The following ATP8A2 variants were observed in gnomAD, a reference collection of about 807,000 sequenced individuals.
The protein encoded by ATP8A2 is phospholipid-transporting ATPase IB.
ATP8A2 carries 100 observed loss-of-function variants against 165.6 expected under a neutral mutation model. The observed-to-expected ratio is 0.60, with a 90% CI of 0.51 to 0.71. The LOEUF is 0.71. Among genes scored for constraint, ATP8A2 ranks in the 30% least tolerant of loss-of-function variants. The pLI is 0.00. For synonymous variants in ATP8A2, 543 were observed against 548.8 expected, an observed-to-expected ratio of 0.99 and a Z score of 0.15; for missense variants, 1,227 against 1,479.5, an observed-to-expected ratio of 0.83 and a Z score of 2.80.
chr13:25,486,425 C>G (rs2036355198), intron 2 of ATP8A2, among the ~76,000 whole-genome samples: 1 of 151,984 alleles, frequency 6.6e-6, no homozygotes. Flanking sequence ...TTCTTCACAG[C>G]CAAGTATGTT....
chr13:25,872,941 G>A (rs1192631490), intron 33 of ATP8A2, among the ~76,000 whole-genome samples: 1 of 151,570 alleles, frequency 6.6e-6, no homozygotes, highest in African/African-American at 2.4e-5. Flanking sequence ...CAGTGTGTGT[G>A]TTGTAACTAC....
At chr13:25,793,265 C>A (rs974718150) in intron 27 of ATP8A2, among the ~76,000 whole-genome samples, 2 of 152,068 alleles carry the variant, frequency 1.3e-5, no homozygotes, top group Non-Finnish European at 2.9e-5. Flanking sequence ...TTTCACATAC[C>A]TGTTTTAATT....
intron 24 of ATP8A2, among the ~76,000 whole-genome samples, chr13:25,666,704 A>C (rs1189192123): frequency 1.3e-5 from 2 of 152,156 alleles, no homozygotes; most frequent in African/African-American, 2.4e-5. Context: ...TCTTTTGACA[A>C]CACCAAAAGG....
intron 1 of ATP8A2, among the ~76,000 whole-genome samples, chr13:25,426,809 G>A (rs2034461952): frequency 6.6e-6 from 1 of 152,080 alleles, no homozygotes; most frequent in Non-Finnish European, 1.5e-5. Context: ...AGCTGGGCAC[G>A]ATAACACATG....
chr13:25,407,426 A>G (rs1020221891), intron 1 of ATP8A2, among the ~76,000 whole-genome samples: 4 of 152,214 alleles, frequency 2.6e-5, no homozygotes, highest in Non-Finnish European at 5.9e-5. Context: ...TTCCAACTGT[A>G]TGTATTTTGG....
rs75948300 is a variant in ATP8A2 at position 25,401,501 on chromosome 13, C to CTT, written c.76+29219_76+29220dup. 1.9e-3 allele frequency among the ~76,000 whole-genome samples: 294 copies of CTT among 152,170 alleles called. 1 individual carries two copies. Among genetic ancestry groups the CTT allele is most frequent in the African/African-American group, 6.8e-3 (282 of 41,522 alleles). ...GTTTCCTTTAAGTGGCAGCCAAAAG[C>CTT]TTTTTTTCTCTGAAAATAACCATTT... On this transcript the variant is annotated intron_variant, in intron 1 of 36. Coordinates refer to ENST00000381655, the MANE Select transcript of ATP8A2 (RefSeq NM_016529.6).
intron 24 of ATP8A2, among the ~76,000 whole-genome samples, chr13:25,611,849 C>A (rs2138440135): frequency 6.6e-6 from 1 of 152,070 alleles, no homozygotes; most frequent in South Asian, 2.1e-4. Context: ...TCTATTTATT[C>A]CTGGTTTAAT....
intron 25 of ATP8A2, among the ~76,000 whole-genome samples, chr13:25,710,864 C>T (rs1016048099): frequency 1.6e-5 from 2 of 127,424 alleles, no homozygotes; most frequent in African/African-American, 2.9e-5. Flanking sequence ...CTCAAGCTAT[C>T]GTGATGTCCA....
chr13:25,971,207 C>G (rs1357286249), intron 35 of ATP8A2, among the ~76,000 whole-genome samples: 3 of 152,072 alleles, frequency 2.0e-5, no homozygotes, highest in African/African-American at 7.2e-5. Context: ...CTCCTAATTA[C>G]TCACAGATTT....
At chr13:25,942,204 A>G (rs9511983) in intron 33 of ATP8A2, among the ~76,000 whole-genome samples, 1 of 152,028 alleles carries the variant, frequency 6.6e-6, no homozygotes, top group South Asian at 2.1e-4. Context: ...TCTCCCATTG[A>G]TAAACATTTG....
At chr13:25,935,236 T>C (rs1954851939) in intron 33 of ATP8A2, among the ~76,000 whole-genome samples, 1 of 152,204 alleles carries the variant, frequency 6.6e-6, no homozygotes, top group Admixed American at 6.5e-5. Flanking sequence ...TGATATTTCA[T>C]GTAAATTCTG....
intron 2 of ATP8A2, among the ~76,000 whole-genome samples, chr13:25,527,039 T>C (rs575574237): frequency 8.5e-5 from 13 of 152,260 alleles, no homozygotes; most frequent in East Asian, 1.9e-4. Flanking sequence ...GCTTTTTTAC[T>C]TCTCTGTGGC....
chr13:25,583,288 C>T (rs1409791212), intron 23 of ATP8A2, among the ~76,000 whole-genome samples: 1 of 151,940 alleles, frequency 6.6e-6, no homozygotes, highest in Non-Finnish European at 1.5e-5. Context: ...GATCTGTGGC[C>T]CCTGTTGTTT....
At chr13:25,817,512 G>A (rs1257485551) in intron 27 of ATP8A2, among the ~76,000 whole-genome samples, 1 of 152,050 alleles carries the variant, frequency 6.6e-6, no homozygotes, top group African/African-American at 2.4e-5. Context: ...GTGACTTTGA[G>A]CTATAAGATT....
intron 33 of ATP8A2, among the ~76,000 whole-genome samples, chr13:25,900,480 G>C (rs943529012): frequency 1.3e-5 from 2 of 152,144 alleles, no homozygotes; most frequent in African/African-American, 4.8e-5. Context: ...TGAAGAGGGA[G>C]GGGCATCTGG....
intron 25 of ATP8A2, among the ~76,000 whole-genome samples, chr13:25,761,374 C>T (rs2044374945): frequency 6.6e-6 from 1 of 152,142 alleles, no homozygotes; most frequent in East Asian, 1.9e-4. Flanking sequence ...AATCCTTATT[C>T]TACTGGGCAC....
At chr13:25,785,918 T>C (rs565982629) in intron 27 of ATP8A2, among the ~76,000 whole-genome samples, 1 of 152,342 alleles carries the variant, frequency 6.6e-6, no homozygotes, top group African/African-American at 2.4e-5. Flanking sequence ...TGTTTGACAA[T>C]CATACATTTG....
At chr13:25,509,565 A>G (rs1374987425) in intron 2 of ATP8A2, among the ~76,000 whole-genome samples, 1 of 152,104 alleles carries the variant, frequency 6.6e-6, no homozygotes, top group Non-Finnish European at 1.5e-5. Flanking sequence ...AGCCTTCATG[A>G]ATGTGTAATA....
chr13:25,951,600 C>A (rs1427416976), intron 33 of ATP8A2, among the ~76,000 whole-genome samples: 1 of 152,116 alleles, frequency 6.6e-6, no homozygotes, highest in African/African-American at 2.4e-5. Flanking sequence ...GGCTGAAGAT[C>A]TGTGCATTTT....
Sources: allele counts gnomAD v4.1 joint callset (sites outside exome capture counted in the v4.1 genomes callset), GRCh38; gene constraint gnomAD v4.1.1; transcripts MANE v1.5; gene names NCBI Gene and HGNC (gene_info 2026-07-23, HGNC 2026-07-21).